LEF1: variants seen among roughly 807,000 people sequenced by gnomAD.
The protein encoded by LEF1 is lymphoid enhancer-binding factor 1.
LEF1 carries 14 observed loss-of-function variants against 51.2 expected under a neutral mutation model. The observed-to-expected ratio is 0.27, with a 90% confidence interval of 0.18 to 0.43. The LOEUF is 0.43. Among genes scored for constraint, LEF1 ranks in the 20% least tolerant of loss-of-function variants. The pLI is 1.00. For synonymous variants in LEF1, 185 were observed against 183.2 expected (o/e 1.01, Z -0.08); for missense variants, 386 against 512.0 (o/e 0.75, Z 2.37).
intron 11 of LEF1, among the ~76,000 whole-genome samples, chr4:108,056,135 C>G (rs1737290640): frequency 6.6e-6 from 1 of 152,192 alleles, no homozygotes; most frequent in South Asian, 2.1e-4. Flanking sequence ...GTTGGGCTAA[C>G]CAGAGTCGCT....
intron 3 of LEF1, among the ~76,000 whole-genome samples, chr4:108,135,406 G>A (rs1418306250): frequency 6.6e-6 from 1 of 152,214 alleles, no homozygotes; most frequent in Admixed American, 6.5e-5. Flanking sequence ...CTGGAAGAGT[G>A]ATAAAGGGTA....
At chr4:108,077,101 G>A (rs572669217) in intron 8 of LEF1, among the ~76,000 whole-genome samples, 2 of 151,948 alleles carry the variant, frequency 1.3e-5, no homozygotes, top group Middle Eastern at 3.4e-3. Flanking sequence ...CACTTTGGGA[G>A]GCCAAGGTGG....
intron 11 of LEF1, among the ~76,000 whole-genome samples, chr4:108,050,635 T>A (rs1002292245): frequency 6.6e-6 from 1 of 152,224 alleles, no homozygotes; most frequent in Non-Finnish European, 1.5e-5. Context: ...TGGTCCAGGT[T>A]GCTCTTCCTG....
Position 108,079,514 on chromosome 4 carries a change from T to C in LEF1, c.823A>G (p.Thr275Ala). The C allele has an allele frequency of 6.2e-7, 1 of 1,613,940 alleles. No homozygotes were observed. The highest frequency in any genetic ancestry group is 1.3e-5 in the African/African-American group (1 of 74,964). Residue 275 changes from threonine to alanine, a missense_variant, in exon 7 of 12, where the codon ACT becomes GCT. Coordinates refer to ENST00000265165, the MANE Select transcript of LEF1 (RefSeq NM_016269.5). ...TACACGTGCATTAGGTCACTGTCAG[T>C]GTGGGGATGTTCCTGTTTGACCTGA... ...TPQVKQEHPH[T>A]DSDLMHVKPQ...
At chr4:108,054,488 C>T (rs938447662) in intron 11 of LEF1, among the ~76,000 whole-genome samples, 1 of 152,222 alleles carries the variant, frequency 6.6e-6, no homozygotes, top group African/African-American at 2.4e-5. Context: ...GTCCCCTCCA[C>T]CCCACAATGG....
Position 108,132,835 on chromosome 4 carries a change from A to G in LEF1, c.414+30733T>C, listed in dbSNP as rs574448304. On this transcript the variant is annotated intron_variant, in intron 3 of 11. Coordinates refer to ENST00000265165, the MANE Select transcript of LEF1 (RefSeq NM_016269.5). ...AGGCATGTACCACAACACCCACCTA[A>G]TTTTTTGTATTTTTTAATAGAGATG... Among the ~76,000 whole-genome samples, 13 of 150,064 alleles carry G rather than the reference A, an allele frequency of 8.7e-5. No individual in the cohort carries two copies. In the South Asian group the frequency reaches 2.3e-3, roughly 27 times the overall value.
chr4:108,123,823 T>C (rs1213754914), intron 3 of LEF1, among the ~76,000 whole-genome samples: 1 of 152,070 alleles, frequency 6.6e-6, no homozygotes, highest in African/African-American at 2.4e-5. Context: ...AAATCTAAAA[T>C]TAACAATCTA....
In LEF1 at chr4:108,167,504, T is replaced by C. The variant is rs770427251; in HGVS notation, c.213+51A>G. ...TTCGTTCCCTTCCTCCCTCTCTGAG[T>C]TTCCCAGGGACCCGCCACGCCTCTC... is the stretch of plus-strand genomic sequence containing the variant. On this transcript the variant is annotated intron_variant, in intron 1 of 11. Coordinates refer to ENST00000265165, the MANE Select transcript of LEF1 (RefSeq NM_016269.5). The surrounding 1 kb of genome is among the most constrained non-coding windows in gnomAD (Gnocchi z 5.7). The C allele has an allele frequency of 3.8e-6, 6 of 1,590,152 alleles. No individual in the cohort carries two copies. The highest frequency in any genetic ancestry group is 4.3e-6 in the Non-Finnish European group (5 of 1,162,564).
intron 9 of LEF1, among the ~76,000 whole-genome samples, chr4:108,064,670 CACACACACACACACACACACACAAT>C (rs1162858285): frequency 3.3e-5 from 2 of 60,994 alleles, no homozygotes; most frequent in Non-Finnish European, 5.1e-5. Flanking sequence ...CACACACACA[CACACACACACACACACACACACAAT>C]GATGTCTTAG....
intron 3 of LEF1, among the ~76,000 whole-genome samples, chr4:108,126,594 G>A (rs1742546607): frequency 6.6e-6 from 1 of 151,954 alleles, no homozygotes; most frequent in Non-Finnish European, 1.5e-5. Flanking sequence ...CTTGAGGACA[G>A]GAGTTCGAGA....
In LEF1 at chr4:108,083,422, G is replaced by C; in HGVS notation, c.572C>G (p.Pro191Arg). Reference protein sequence around the residue: ...KQGMSRHPPAPDIPTFYPLSP... With the variant: ...KQGMSRHPPARDIPTFYPLSP... ...CAAGGGATAAAAAGTAGGGATATCAGGAGCTGGAGGATGTCTGGACATGCC... is the reference window on the plus strand; with the variant it reads ...CAAGGGATAAAAAGTAGGGATATCACGAGCTGGAGGATGTCTGGACATGCC... Residue 191 changes from proline to arginine, a missense_variant, in exon 5 of 12, where the codon CCT becomes CGT. This residue lies in a region of LEF1 where 335 missense variants were observed against 390.7 expected (regional missense o/e 0.86). Coordinates refer to ENST00000265165, the MANE Select transcript of LEF1 (RefSeq NM_016269.5). 6.2e-7 allele frequency: 1 copy of C among 1,613,300 alleles called. No homozygotes were observed. The highest frequency in any genetic ancestry group is 8.5e-7 in the Non-Finnish European group (1 of 1,179,352).
intron 4 of LEF1, among the ~76,000 whole-genome samples, chr4:108,088,461 G>T (rs941864524): frequency 6.6e-6 from 1 of 152,190 alleles, no homozygotes; most frequent in Non-Finnish European, 1.5e-5. Context: ...AGAAGGCTTG[G>T]TGCACCAGAG....
intron 3 of LEF1, among the ~76,000 whole-genome samples, chr4:108,127,299 C>G (rs1742608418): frequency 6.6e-6 from 1 of 152,142 alleles, no homozygotes; most frequent in African/African-American, 2.4e-5. Context: ...ACCCTTTAAT[C>G]TAGGAGACTG....
In LEF1 at chr4:108,078,364, C is replaced by T; in HGVS notation, c.864G>A (p.Gln288=). The T allele has an allele frequency of 3.7e-6, 6 of 1,614,124 alleles. No individual in the cohort carries two copies. The highest frequency in any genetic ancestry group is 4.2e-6 in the Non-Finnish European group (5 of 1,180,040). The change falls in exon 8 of 12, where the codon CAG becomes CAA. Residue 288 remains glutamine (Q), a synonymous_variant. Transcript: ENST00000265165. ...GTCTTTTTGGCTCCTGCTCCTTTCT[C>T]TGTTCATGCTGAGGCTTCCTAAAAG... The part of the protein sequence containing the change: ...DLMHVKPQHE[Q]RKEQEPKRPH...
At chr4:108,138,100 T>C (rs999458863) in intron 3 of LEF1, among the ~76,000 whole-genome samples, 1 of 152,302 alleles carries the variant, frequency 6.6e-6, no homozygotes, top group East Asian at 1.9e-4. Flanking sequence ...TCAACAGAAA[T>C]ACAGGTTTAG....
At chr4:108,152,241 C>T (rs1030437267) in intron 3 of LEF1, among the ~76,000 whole-genome samples, 8 of 152,162 alleles carry the variant, frequency 5.3e-5, no homozygotes, top group South Asian at 4.1e-4. Flanking sequence ...GGCATTTCAG[C>T]GAGAGCAAGC....
intron 4 of LEF1, among the ~76,000 whole-genome samples, chr4:108,084,001 T>G (rs577938540): frequency 6.6e-6 from 1 of 152,348 alleles, no homozygotes; most frequent in Non-Finnish European, 1.5e-5. Context: ...GGTCTCTGTC[T>G]AAGCTCTTCA....
chr4:108,084,919 G>A (rs990223762), intron 4 of LEF1, among the ~76,000 whole-genome samples: 16 of 151,854 alleles, frequency 1.1e-4, no homozygotes, highest in Admixed American at 3.3e-4. Context: ...CAAATCTCAC[G>A]GTCTGTAAGG....
At chr4:108,152,713 C>T (rs1261564977) in intron 3 of LEF1, among the ~76,000 whole-genome samples, 1 of 152,244 alleles carries the variant, frequency 6.6e-6, no homozygotes, top group African/African-American at 2.4e-5. Flanking sequence ...AAAAGCGCAT[C>T]TACATGACCT....
Sources: gnomAD v4.1 joint callset for allele counts (sites outside exome capture counted in the v4.1 genomes callset) on GRCh38, gnomAD v4.1.1 for gene constraint, gnomAD v4.1.1 regional missense constraint, Gnocchi (gnomAD v3.1) non-coding constraint, MANE v1.5 for transcripts, NCBI Gene and HGNC (gene_info 2026-07-23, HGNC 2026-07-21) for gene names.